The following SHPRH variants were observed in gnomAD, a reference collection of about 807,000 sequenced individuals.
The protein encoded by SHPRH is SNF2 histone linker PHD RING helicase.
In SHPRH, 106 loss-of-function variants were observed where a neutral mutation model predicts 202.5. That is an observed-to-expected ratio of 0.52 (90% CI 0.45 to 0.62). The LOEUF is 0.62. Among genes scored for constraint, SHPRH ranks in the 20% least tolerant of loss-of-function variants. The probability of loss-of-function intolerance (pLI) is 0.00; values close to 1 mark genes in which losing one functional copy is unlikely to be tolerated. For missense variants in SHPRH, 1,710 were observed against 2,020.0 expected, an observed-to-expected ratio of 0.85 and a Z score of 2.94; for synonymous variants, 729 against 686.0, an observed-to-expected ratio of 1.06 and a Z score of -0.98.
In SHPRH at chr6:145,927,091, T is replaced by C. The variant is rs1300025913; in HGVS notation, c.3201+98A>G. 3.7e-6 allele frequency: 4 copies of C among 1,079,474 alleles called. No homozygotes were observed. The African/African-American group carries it at 4.7e-5, about 13-fold the overall frequency. The allele number at this position is 1,079,474 out of a possible 1,614,324, so 66.9% of individuals were successfully genotyped here. ...AATCCCAAGTTTCACCCAGTGATTA[T>C]GACTGTTTGTTACCATTTATCCTCT... On this transcript the variant is annotated intron_variant, in intron 15 of 29. Transcript: ENST00000275233.
chr6:145,943,360 C>T lies in SHPRH; in HGVS notation c.2021G>A (p.Arg674His), dbSNP rs1200251120. The change falls in exon 9 of 30, where the codon CGT (arginine) becomes CAT (histidine). Residue 674 changes from arginine to histidine, a missense_variant. Arg to His is a conservative substitution (Grantham distance 29). Transcript: ENST00000275233. ...CAGGTGACACTTCAGGCATTGAACA[C>T]GAGGCTTACGATCTATCTGATCAAG... ...GELDQIDRKP[R>H]VQCLKCHLWQ... 6.2e-6 allele frequency: 10 copies of T among 1,613,940 alleles called. No homozygotes were observed. Among genetic ancestry groups the T allele is most frequent in the Admixed American group, 1.7e-5 (1 of 59,980 alleles).
At chr6:145,931,206 G>A (rs868694459) in intron 14 of SHPRH, among the ~76,000 whole-genome samples, 3 of 151,902 alleles carry the variant, frequency 2.0e-5, no homozygotes, top group Admixed American at 6.6e-5. Context: ...CCTCTTAATT[G>A]GGATATTTAG....
chr6:145,924,743 C>G lies in SHPRH; in HGVS notation c.3398G>C (p.Arg1133Thr). The part of the protein sequence containing the change: ...PVQQTIHELQ[R>T]KIHSNSPWWL... ...AAACACTGCATTTTGGCATACCTTT[C>G]TTTGAAGCTCATGGATGGTCTGCTG... Residue 1133 changes from arginine to threonine, a missense_variant, in exon 17 of 30, where the codon AGA becomes ACA. Around this residue, in one of 8 missense-constraint regions of SHPRH, gnomAD observed 288 missense variants for 317.8 expected, o/e 0.91. Transcript: ENST00000275233. The G allele has an allele frequency of 6.2e-7, 1 of 1,611,134 alleles. No individual in the cohort carries two copies. The highest frequency in any genetic ancestry group is 8.5e-7 in the Non-Finnish European group (1 of 1,178,080).
At position 145,946,223 on chromosome 6, in the gene SHPRH, TCTTA is replaced by T. The variant is rs1157954829; in HGVS notation, c.1321+6_1321+9del. 4.4e-6 allele frequency: 7 copies of T among 1,597,196 alleles called. No homozygotes were observed. The highest frequency in any genetic ancestry group is 1.1e-5 in the South Asian group (1 of 89,634). On this transcript the variant is annotated splice_donor_region_variant and intron_variant, in intron 7 of 29. Coordinates refer to ENST00000275233, the MANE Select transcript of SHPRH (RefSeq NM_001042683.3). ...AAGAAGGTATTTCCTTTAAGAGATGTCTTACTTACGAGGGCATTGAACTTTTTCT... is the reference window on the plus strand; with the variant it reads ...AAGAAGGTATTTCCTTTAAGAGATGTCTTACGAGGGCATTGAACTTTTTCT...
intron 28 of SHPRH, among the ~76,000 whole-genome samples, chr6:145,889,927 G>A (rs1322548322): frequency 6.6e-6 from 1 of 152,184 alleles, no homozygotes. Context: ...ACATATCCAT[G>A]CTTCTGCCTA....
At chr6:145,861,641 C>T (rs186320245), downstream of SHPRH, among the ~76,000 whole-genome samples, 49 of 152,280 alleles carry the variant, frequency 3.2e-4, no homozygotes, top group Non-Finnish European at 6.0e-4. Flanking sequence ...AGATATCCAT[C>T]CTCCCATATT....
chr6:145,877,647 T>TG (rs1365462887), intron 2 of SHPRH: 1 of 152,240 alleles, frequency 6.6e-6, no homozygotes, highest in Non-Finnish European at 1.5e-5. Flanking sequence ...GCAGATCCAG[T>TG]GGATAATCAA....
At chr6:145,962,367 C>G (rs1789176846) in intron 1 of SHPRH, among the ~76,000 whole-genome samples, 1 of 152,194 alleles carries the variant, frequency 6.6e-6, no homozygotes, top group African/African-American at 2.4e-5. Context: ...TGGATGTATT[C>G]CCTCCTTTTG....
Position 145,902,240 on chromosome 6 carries a change from T to A in SHPRH, c.4516-7263A>T, listed in dbSNP as rs78859726. Among the ~76,000 whole-genome samples the A allele has an allele frequency of 4.2e-3, 632 of 152,200 alleles. 17 individuals are homozygous for A. The East Asian group carries it at 0.07, about 17-fold the overall frequency. On this transcript the variant is annotated intron_variant, in intron 25 of 29. Coordinates refer to ENST00000275233, the MANE Select transcript of SHPRH (RefSeq NM_001042683.3). ...ACTAGCACCAAAGGCCAATAAAGAA[T>A]ATTTCTAATGAAGTTTGGCCTGGAA...
At chr6:145,897,693 G>A (rs1782133517) in intron 25 of SHPRH, among the ~76,000 whole-genome samples, 1 of 152,012 alleles carries the variant, frequency 6.6e-6, no homozygotes, top group African/African-American at 2.4e-5. Context: ...ATGATCAACA[G>A]GGATTTACCT....
Position 145,885,869 on chromosome 6 carries a change from T to C in SHPRH, c.*822A>G, listed in dbSNP as rs887524598. ...AATGATTAAAAAAAAAACCCTGCCA[T>C]ATTTCCATGTTATAATAAAACAAAA... On this transcript the variant is annotated 3_prime_UTR_variant, in exon 30 of 30. Transcript: ENST00000275233. 1 of 151,778 alleles carries C rather than the reference T, an allele frequency of 6.6e-6. No homozygotes were observed. The highest frequency in any genetic ancestry group is 1.5e-5 in the Non-Finnish European group (1 of 67,966). The allele number at this position is 151,778 out of a possible 1,614,324, so 9.4% of individuals were successfully genotyped here.
At chr6:145,935,193 G>T in intron 12 of SHPRH, 30 bp from the exon 13 acceptor site, 1 of 1,568,674 alleles carries the variant, frequency 6.4e-7, no homozygotes, top group Non-Finnish European at 8.7e-7. Context: ...AAAAAAAAAA[G>T]ATATCATCTA....
At chr6:145,903,860 CA>C (rs1392903785) in intron 25 of SHPRH, 1 of 152,048 alleles carries the variant, frequency 6.6e-6, no homozygotes, top group Non-Finnish European at 1.5e-5. Context: ...CTTCACCATC[CA>C]AAATGCCTGG....
intron 13 of SHPRH, 89 bp downstream of exon 13, chr6:145,934,818 A>C: frequency 1.6e-6 from 2 of 1,282,368 alleles, no homozygotes; most frequent in Non-Finnish European, 2.1e-6. Context: ...CTGACAACTC[A>C]GTTACATGTC....
At chr6:145,870,056 G>A (rs573333931) in intron 2 of SHPRH, among the ~76,000 whole-genome samples, 12 of 151,664 alleles carry the variant, frequency 7.9e-5, no homozygotes, top group African/African-American at 2.4e-4. Context: ...TGTAGATATT[G>A]TATGTATTTT....
At chr6:145,911,166 C>G (rs1202481067) in intron 24 of SHPRH, among the ~76,000 whole-genome samples, 1 of 152,068 alleles carries the variant, frequency 6.6e-6, no homozygotes, top group Non-Finnish European at 1.5e-5. Flanking sequence ...CTTGCTCTGT[C>G]GCCCAGACTG....
intron 2 of SHPRH, among the ~76,000 whole-genome samples, chr6:145,865,888 C>T (rs537216040): frequency 6.6e-6 from 1 of 152,280 alleles, no homozygotes; most frequent in East Asian, 1.9e-4. Flanking sequence ...GACAAAAGAG[C>T]ACCTTTTGCA....
At chr6:145,957,266 A>G (rs1216324020) in intron 1 of SHPRH, among the ~76,000 whole-genome samples, 1 of 152,168 alleles carries the variant, frequency 6.6e-6, no homozygotes, top group Non-Finnish European at 1.5e-5. Context: ...ACAGAGGAGA[A>G]AACCTAAATG....
chr6:145,924,934 C>G, intron 16 of SHPRH, 88 bp from the exon 17 acceptor site: 1 of 984,624 alleles, frequency 1.0e-6, no homozygotes, highest in South Asian at 1.6e-5. Context: ...TCATTTTATA[C>G]ATTTAAAGCT....
Sources: gnomAD v4.1 joint callset for allele counts (sites outside exome capture counted in the v4.1 genomes callset) on GRCh38, gnomAD v4.1.1 for gene constraint, gnomAD v4.1.1 regional missense constraint, MANE v1.5 for transcripts, NCBI Gene and HGNC (gene_info 2026-07-23, HGNC 2026-07-21) for gene names.